BMAL1: variants seen among roughly 807,000 people sequenced by gnomAD.
BMAL1 encodes basic helix-loop-helix ARNT-like protein 1.
the BMAL1 span, among the ~76,000 whole-genome samples, chr11:13,319,455 C>T: frequency 6.6e-6 from 1 of 152,184 alleles, no homozygotes; most frequent in Non-Finnish European, 1.5e-5. Context: ...AATTCATGCT[C>T]TTCCTAGGAG....
chr11:13,359,927 C>G, the BMAL1 span, among the ~76,000 whole-genome samples: 2 of 152,164 alleles, frequency 1.3e-5, no homozygotes, highest in African/African-American at 4.8e-5. Context: ...TGAATGGTTT[C>G]CCAAGAACAT....
chr11:13,304,820 G>A, the BMAL1 span, among the ~76,000 whole-genome samples: 3 of 152,210 alleles, frequency 2.0e-5, no homozygotes, highest in Non-Finnish European at 2.9e-5. Context: ...GTGCACAAAA[G>A]GAGGAAGTTC....
At chr11:13,346,804 C>T in the BMAL1 span, among the ~76,000 whole-genome samples, 1 of 152,198 alleles carries the variant, frequency 6.6e-6, no homozygotes, top group African/African-American at 2.4e-5. Context: ...GACTCCAGGA[C>T]CACAGGCTAG....
the BMAL1 span, chr11:13,372,533 G>T: frequency 8.5e-5 from 122 of 1,433,590 alleles, no homozygotes; most frequent in Non-Finnish European, 7.9e-5. Flanking sequence ...GAAAAAGCTG[G>T]GTGCAGTGGC....
At chr11:13,376,991 A>G in the BMAL1 span, among the ~76,000 whole-genome samples, 67 of 151,186 alleles carry the variant, frequency 4.4e-4, no homozygotes, top group Middle Eastern at 3.4e-3. Context: ...CAAACTCCCT[A>G]CTCCCCTTGT....
At chr11:13,323,698 C>T in the BMAL1 span, among the ~76,000 whole-genome samples, 2 of 152,160 alleles carry the variant, frequency 1.3e-5, no homozygotes, top group Admixed American at 6.5e-5. Context: ...CTCACTGCAA[C>T]CTCCGCCTCC....
chr11:13,358,608 T>C, the BMAL1 span: 1 of 1,563,366 alleles, frequency 6.4e-7, no homozygotes, highest in Non-Finnish European at 8.7e-7. Context: ...CCCTGGGCTC[T>C]ATTGTCCTTT....
At chr11:13,286,114 G>A in the BMAL1 span, among the ~76,000 whole-genome samples, 4 of 152,178 alleles carry the variant, frequency 2.6e-5, no homozygotes, top group African/African-American at 9.7e-5. Context: ...TTCTAGGCGA[G>A]CCCTCAAAAG....
At chr11:13,381,393 T>G in the BMAL1 span, 1 of 792,958 alleles carries the variant, frequency 1.3e-6, no homozygotes. Flanking sequence ...TGCATCTGTG[T>G]GAGGCTGGAT....
the BMAL1 span, among the ~76,000 whole-genome samples, chr11:13,297,393 G>A: frequency 6.6e-6 from 1 of 152,228 alleles, no homozygotes; most frequent in Non-Finnish European, 1.5e-5. Flanking sequence ...GGAGTGCTGT[G>A]AGCAAGAAAA....
chr11:13,376,586 G>A, the BMAL1 span: 13 of 1,570,668 alleles, frequency 8.3e-6, no homozygotes, highest in Non-Finnish European at 1.1e-5. Context: ...GTTGAATGGT[G>A]CACAGTTCTG....
At chr11:13,364,018 C>T in the BMAL1 span, among the ~76,000 whole-genome samples, 1 of 152,196 alleles carries the variant, frequency 6.6e-6, no homozygotes, top group African/African-American at 2.4e-5. Flanking sequence ...CAGGCCTGAC[C>T]CTGCCCAGCA....
At chr11:13,349,215 CT>C in the BMAL1 span, among the ~76,000 whole-genome samples, 1 of 152,252 alleles carries the variant, frequency 6.6e-6, no homozygotes, top group Non-Finnish European at 1.5e-5. Flanking sequence ...CTGATGTTTT[CT>C]TTAGACCGAG....
At chr11:13,290,988 C>T in the BMAL1 span, among the ~76,000 whole-genome samples, 2 of 152,166 alleles carry the variant, frequency 1.3e-5, no homozygotes, top group Admixed American at 6.5e-5. Flanking sequence ...CTCCTGGATA[C>T]TCTGGCTGGT....
the BMAL1 span, among the ~76,000 whole-genome samples, chr11:13,283,855 A>G: frequency 0.028 from 4,267 of 151,932 alleles, 81 homozygotes; most frequent in Non-Finnish European, 0.043. Flanking sequence ...TCTCTGCAGC[A>G]TTGCTCTGAC....
At chr11:13,338,272 G>A in the BMAL1 span, among the ~76,000 whole-genome samples, 32 of 152,116 alleles carry the variant, frequency 2.1e-4, no homozygotes, top group Non-Finnish European at 4.1e-4. Flanking sequence ...AGAGGAATTT[G>A]TAGAGTTATT....
chr11:13,385,090 C>G, the BMAL1 span, among the ~76,000 whole-genome samples: 161 of 152,238 alleles, frequency 1.1e-3, no homozygotes, highest in African/African-American at 3.6e-3. Flanking sequence ...GAATGCTCTT[C>G]TTTGAGACTC....
chr11:13,372,254 A>G, the BMAL1 span: 2 of 1,614,190 alleles, frequency 1.2e-6, no homozygotes, highest in East Asian at 4.5e-5. Context: ...ACAACGAACC[A>G]GACAATGAGG....
chr11:13,333,284 G>A, the BMAL1 span, among the ~76,000 whole-genome samples: 3 of 152,172 alleles, frequency 2.0e-5, no homozygotes, highest in East Asian at 3.9e-4. Flanking sequence ...TCTTTAAATC[G>A]TCCAGAGTAA....
Sources: allele counts gnomAD v4.1 joint callset (sites outside exome capture counted in the v4.1 genomes callset), GRCh38; gene constraint gnomAD v4.1.1; transcripts MANE v1.5; gene names NCBI Gene and HGNC (gene_info 2026-07-23, HGNC 2026-07-21).